Variants in CAPN11 observed in about 807,000 individuals in gnomAD.
The protein encoded by CAPN11 is calpain-11.
Under a neutral mutation model 105.3 loss-of-function variants are expected in CAPN11, and 108 were observed. The ratio of observed to expected loss-of-function variants is 1.03; its 90% CI spans 0.88 to 1.20. The LOEUF (loss-of-function observed/expected upper bound fraction) is 1.20, where lower values mean the gene tolerates loss of function less well. Ranked by LOEUF, CAPN11 falls within the 50% of genes most tolerant of loss-of-function variation. The probability of loss-of-function intolerance (pLI) is 0.00; values close to 1 mark genes in which losing one functional copy is unlikely to be tolerated. For missense variants in CAPN11, 883 were observed against 924.8 expected (o/e 0.95, Z 0.59); for synonymous variants, 329 against 344.5 (o/e 0.96, Z 0.50).
chr6:44,182,265 C>CAT, intron 19 of CAPN11, among the ~76,000 whole-genome samples: 1 of 110,764 alleles, frequency 9.0e-6, no homozygotes. Context: ...CACACACACA[C>CAT]ACATACAGAC....
chr6:44,181,406 C>G, intron 19 of CAPN11, 86 bp downstream of exon 19: 1 of 1,031,472 alleles, frequency 9.7e-7, no homozygotes, highest in Non-Finnish European at 1.4e-6. Flanking sequence ...AGCTAGAACC[C>G]AAGCCCTAAC....
intron 22 of CAPN11, 65 bp downstream of exon 22, chr6:44,183,828 C>T: frequency 7.0e-6 from 11 of 1,575,700 alleles, no homozygotes; most frequent in Admixed American, 1.8e-5. Context: ...ACCCCACCCC[C>T]ACCCAGCTCT....
At chr6:44,165,005 C>T (rs948665654) in intron 1 of CAPN11, among the ~76,000 whole-genome samples, 3 of 152,182 alleles carry the variant, frequency 2.0e-5, no homozygotes, top group African/African-American at 7.2e-5. Context: ...CCTCCTGCCT[C>T]AGCCACAGGA....
chr6:44,169,079 C>T lies in CAPN11; in HGVS notation c.89-202C>T, dbSNP rs778276528. ...CTGAGTAGCTGGGACTACAGGCACACGTCACCATGCCCAGCTAATTAAAAA... is the reference window on the plus strand; with the variant it reads ...CTGAGTAGCTGGGACTACAGGCACATGTCACCATGCCCAGCTAATTAAAAA... On this transcript the variant is annotated intron_variant, in intron 2 of 22. Coordinates refer to ENST00000398776, the MANE Select transcript of CAPN11 (RefSeq NM_007058.4). 7.4e-5 allele frequency: 44 copies of T among 591,890 alleles called. 1 individual carries two copies. In the Middle Eastern group the frequency reaches 8.0e-4, roughly 11 times the overall value. 36.7% of individuals were successfully genotyped at this position (591,890 alleles called of 1,614,324 possible).
chr6:44,181,550 C>T (rs865790742), intron 19 of CAPN11, among the ~76,000 whole-genome samples: 5 of 76,192 alleles, frequency 6.6e-5, no homozygotes, highest in Admixed American at 1.6e-4. Context: ...CACACACACA[C>T]ACTCACATAC....
intron 12 of CAPN11, 56 bp downstream of exon 12, chr6:44,177,476 C>CTTTA: frequency 7.5e-7 from 1 of 1,326,206 alleles, no homozygotes; most frequent in Non-Finnish European, 1.0e-6. Context: ...GACCTCACTC[C>CTTTA]TTTCTTTCTT....
At chr6:44,178,902 G>A (rs1287426979) in intron 12 of CAPN11, among the ~76,000 whole-genome samples, 6 of 151,974 alleles carry the variant, frequency 3.9e-5, no homozygotes, top group South Asian at 2.1e-4. Context: ...CAGCCTGGGC[G>A]CAGAGTGAGA....
chr6:44,180,887 C>T (rs2128313312), intron 17 of CAPN11, 46 bp from the exon 18 acceptor site: 5 of 1,605,022 alleles, frequency 3.1e-6, no homozygotes, highest in Non-Finnish European at 4.3e-6. Context: ...CCCCACGATA[C>T]CTCATTTACC....
rs377366766 is a variant in CAPN11 at position 44,168,781 on chromosome 6, G to A, written c.89-500G>A. Among the ~76,000 whole-genome samples the A allele has an allele frequency of 1.3e-3, 192 of 151,554 alleles. 3 individuals carry two copies. The highest frequency in any genetic ancestry group is 4.3e-3 in the African/African-American group (178 of 41,298). ...TTACAGGCATCTTGCCCCCACACCC[G>A]GCTAATTTTTTGTATTTTTCGTAGG... On this transcript the variant is annotated intron_variant, in intron 2 of 22. Transcript: ENST00000398776.
intron 19 of CAPN11, among the ~76,000 whole-genome samples, chr6:44,182,431 G>C (rs1773929590): frequency 6.6e-6 from 1 of 152,152 alleles, no homozygotes; most frequent in Admixed American, 6.6e-5. Context: ...TAGTCATGAA[G>C]GATGCACACA....
intron 2 of CAPN11, chr6:44,168,920 CTATT>C (rs1770482535): frequency 4.5e-6 from 2 of 443,108 alleles, no homozygotes; most frequent in South Asian, 1.6e-5. Flanking sequence ...CACACCCAGC[CTATT>C]TATTTATTTT....
intron 2 of CAPN11, chr6:44,168,880 C>CA: frequency 2.4e-6 from 1 of 409,820 alleles, no homozygotes; most frequent in Non-Finnish European, 5.0e-6. Flanking sequence ...CTTGGCCTCC[C>CA]AAAATGCTGG....
intron 2 of CAPN11, 175 bp from the exon 3 acceptor site, chr6:44,169,106 A>T: frequency 2.8e-6 from 2 of 715,220 alleles, no homozygotes; most frequent in Non-Finnish European, 4.8e-6. Flanking sequence ...AATTAAAAAA[A>T]ATTTTTTTGT....
chr6:44,176,776 A>G, intron 10 of CAPN11, 62 bp from the exon 11 acceptor site: 1 of 1,596,650 alleles, frequency 6.3e-7, no homozygotes, highest in Non-Finnish European at 8.6e-7. Context: ...GGGGTGGTTC[A>G]GGGAGAGGGA....
chr6:44,175,245 T>A (rs1477903969), intron 7 of CAPN11, among the ~76,000 whole-genome samples: 1 of 151,998 alleles, frequency 6.6e-6, no homozygotes, highest in African/African-American at 2.4e-5. Flanking sequence ...TTTGGGAGGC[T>A]GAGGAGGACA....
In CAPN11 at chr6:44,177,233, C is replaced by T. The variant is rs771725762; in HGVS notation, c.1238-9C>T. On this transcript the variant is annotated splice_polypyrimidine_tract_variant and intron_variant, in intron 11 of 22. Coordinates refer to ENST00000398776, the MANE Select transcript of CAPN11 (RefSeq NM_007058.4). ...CCCGTATAACCACGCTGACCCACTT[C>T]CGCCACAGGCACGTTCTGGACCAAC... The T allele has an allele frequency of 2.5e-6, 4 of 1,568,824 alleles. No homozygotes were observed. Among genetic ancestry groups the T allele is most frequent in the Non-Finnish European group, 3.5e-6 (4 of 1,156,242 alleles).
chr6:44,184,068 G>C lies in CAPN11; in HGVS notation c.*136G>C. 1 of 894,488 alleles carries C rather than the reference G, an allele frequency of 1.1e-6. No homozygotes were observed. 55.4% of individuals were successfully genotyped at this position (894,488 alleles called of 1,614,324 possible). ...AATGGGCTCCAGGTGGCAGTGCCCG[G>C]GTCCCAGGTGCCGTGTTTACTGCAG... On this transcript the variant is annotated 3_prime_UTR_variant, in exon 23 of 23. Coordinates refer to ENST00000398776, the MANE Select transcript of CAPN11 (RefSeq NM_007058.4).
Position 44,172,938 on chromosome 6 carries a change from A to C in CAPN11, c.529-2A>C. ...CAAGGGGTGTGTGTTTGCTACCCAC[A>C]GATTTGGCAGTTTGGACAGTGGGTG... On this transcript the variant is annotated splice_acceptor_variant, in intron 5 of 22. Transcript: ENST00000398776. LOFTEE classifies it high-confidence loss of function. 6.2e-7 allele frequency: 1 copy of C among 1,613,142 alleles called. No individual in the cohort carries two copies. The highest frequency in any genetic ancestry group is 8.5e-7 in the Non-Finnish European group (1 of 1,179,512).
At chr6:44,174,270 G>A (rs1245932247) in intron 7 of CAPN11, among the ~76,000 whole-genome samples, 1 of 152,102 alleles carries the variant, frequency 6.6e-6, no homozygotes, top group Non-Finnish European at 1.5e-5. Context: ...TGAGTAAATG[G>A]TTAAACAAAC....
Sources: gnomAD v4.1 joint callset for allele counts (sites outside exome capture counted in the v4.1 genomes callset) on GRCh38, gnomAD v4.1.1 for gene constraint, MANE v1.5 for transcripts, NCBI Gene and HGNC (gene_info 2026-07-23, HGNC 2026-07-21) for gene names.